OSBPL3: variants seen among roughly 807,000 people sequenced by gnomAD.
OSBPL3 encodes the protein oxysterol-binding protein-related protein 3.
Under a neutral mutation model 120.1 loss-of-function variants are expected in OSBPL3, and 65 were observed. The observed-to-expected ratio is 0.54, with a 90% CI of 0.44 to 0.67. The LOEUF (loss-of-function observed/expected upper bound fraction) is 0.67, where lower values mean the gene tolerates loss of function less well. OSBPL3 is among the 30% of genes least tolerant of loss of function. The probability of loss-of-function intolerance (pLI) is 0.00; values close to 1 mark genes in which losing one functional copy is unlikely to be tolerated. For synonymous variants in OSBPL3, 416 were observed against 402.6 expected (o/e 1.03, Z -0.40); for missense variants, 1,004 against 1,082.1 (o/e 0.93, Z 1.01).
intron 10 of OSBPL3, among the ~76,000 whole-genome samples, chr7:24,860,396 G>C (rs1265559869): frequency 1.3e-5 from 2 of 152,182 alleles, no homozygotes; most frequent in Non-Finnish European, 2.9e-5. Flanking sequence ...ACTCAGTGAA[G>C]GATAATTGAA....
In OSBPL3 at chr7:24,817,680, G is replaced by A. The variant is rs1794639717; in HGVS notation, c.1949-992C>T. On this transcript the variant is annotated intron_variant, in intron 17 of 22. Coordinates refer to ENST00000313367, the MANE Select transcript of OSBPL3 (RefSeq NM_015550.4). The surrounding 1 kb of genome is among the most constrained non-coding windows in gnomAD (Gnocchi z 4.0). ...GGAACAGGAGTAGGAGAGAGGAGAA[G>A]CAAGGCGACAAGTTAAGAGGCTACT... 6.6e-6 allele frequency among the ~76,000 whole-genome samples: 1 copy of A among 152,162 alleles called. No individual in the cohort carries two copies. Among genetic ancestry groups the A allele is most frequent in the African/African-American group, 2.4e-5 (1 of 41,424 alleles).
intron 12 of OSBPL3, among the ~76,000 whole-genome samples, chr7:24,846,317 C>G (rs1277666166): frequency 3.3e-5 from 5 of 152,210 alleles, no homozygotes; most frequent in African/African-American, 1.2e-4. Context: ...CTGTCTATTA[C>G]AAGCTGTATG....
intron 10 of OSBPL3, among the ~76,000 whole-genome samples, chr7:24,857,600 C>T: frequency 6.6e-6 from 1 of 152,198 alleles, no homozygotes; most frequent in Non-Finnish European, 1.5e-5. Flanking sequence ...AGTCAAATTT[C>T]CACAGCTAGT....
intron 12 of OSBPL3, among the ~76,000 whole-genome samples, chr7:24,846,781 G>A (rs1386427701): frequency 6.6e-6 from 1 of 152,130 alleles, no homozygotes; most frequent in Admixed American, 6.5e-5. Context: ...AAAAGGTAAC[G>A]AGGCCGGGCG....
chr7:24,958,961 G>A (rs1815398672), intron 1 of OSBPL3, among the ~76,000 whole-genome samples: 1 of 152,156 alleles, frequency 6.6e-6, no homozygotes, highest in Admixed American at 6.6e-5. Context: ...GCTGGGACTT[G>A]AATGACTAAA....
intron 12 of OSBPL3, among the ~76,000 whole-genome samples, chr7:24,842,973 T>C (rs1797966736): frequency 6.6e-6 from 1 of 152,238 alleles, no homozygotes; most frequent in Admixed American, 6.5e-5. Context: ...GTTCTCTTTG[T>C]CTGTCTCTTT....
chr7:24,823,200 A>G (rs952877937), intron 16 of OSBPL3, among the ~76,000 whole-genome samples: 2 of 152,052 alleles, frequency 1.3e-5, no homozygotes, highest in Non-Finnish European at 2.9e-5. Context: ...AGCCTCTGTC[A>G]CCTCATCTGT....
chr7:24,816,989 C>T (rs1435281587), intron 17 of OSBPL3, among the ~76,000 whole-genome samples: 1 of 152,010 alleles, frequency 6.6e-6, no homozygotes, highest in Non-Finnish European at 1.5e-5. Context: ...TAAAATGAAA[C>T]CTGAGAAGAA....
rs1242781768 is a variant in OSBPL3 at position 24,896,842 on chromosome 7, C to T, written c.-149-4221G>A. On this transcript the variant is annotated intron_variant, in intron 1 of 22. Transcript: ENST00000313367. This position sits in a 1 kb window ranked among gnomAD's most constrained non-coding sequence, Gnocchi z 4.4. ...ATCCCAGCAATTTAGGAGGTGGACG[C>T]GACTGGATTACTTGAGGTCAGGAGT... is the stretch of plus-strand genomic sequence containing the variant. 2.0e-5 allele frequency among the ~76,000 whole-genome samples: 3 copies of T among 152,074 alleles called. No homozygotes were observed. The highest frequency in any genetic ancestry group is 6.6e-5 in the Admixed American group (1 of 15,266).
chr7:24,895,808 G>T (rs777847677), intron 1 of OSBPL3, among the ~76,000 whole-genome samples: 14 of 152,182 alleles, frequency 9.2e-5, no homozygotes, highest in Non-Finnish European at 1.8e-4. Context: ...CTCACAGACT[G>T]TGAATAATTT....
Position 24,952,728 on chromosome 7 carries a change from G to T in OSBPL3, c.-150+27158C>A, listed in dbSNP as rs1322218362. ...AGGTTATTTCCAGGATTCTAGGCCT[G>T]CCCTACCAATATGCAAACCATCAGC... On this transcript the variant is annotated intron_variant, in intron 1 of 22. Transcript: ENST00000313367. The surrounding 1 kb of genome is among the most constrained non-coding windows in gnomAD (Gnocchi z 4.4). Among the ~76,000 whole-genome samples, 2 of 152,142 alleles carry T rather than the reference G, an allele frequency of 1.3e-5. No homozygotes were observed. Among genetic ancestry groups the T allele is most frequent in the Non-Finnish European group, 2.9e-5 (2 of 68,034 alleles).
chr7:24,838,508 A>C (rs1437386888), intron 14 of OSBPL3, among the ~76,000 whole-genome samples: 1 of 152,218 alleles, frequency 6.6e-6, no homozygotes, highest in African/African-American at 2.4e-5. Context: ...TACACAAAAA[A>C]GGGCAATGTT....
intron 1 of OSBPL3, among the ~76,000 whole-genome samples, chr7:24,942,392 T>C (rs1813207181): frequency 6.6e-6 from 1 of 152,240 alleles, no homozygotes; most frequent in Non-Finnish European, 1.5e-5. Context: ...AAGCCATGTC[T>C]GTCTGGTGCC....
intron 12 of OSBPL3, among the ~76,000 whole-genome samples, 188 bp downstream of exon 12, chr7:24,848,881 A>T (rs996755449): frequency 1.3e-5 from 2 of 152,224 alleles, no homozygotes; most frequent in African/African-American, 4.8e-5. Context: ...TTAGCAGCAT[A>T]CGCTCAAGAA....
chr7:24,908,492 C>T (rs1196669582), intron 1 of OSBPL3, among the ~76,000 whole-genome samples: 1 of 152,178 alleles, frequency 6.6e-6, no homozygotes, highest in African/African-American at 2.4e-5. Flanking sequence ...CCCTACCATG[C>T]CCTCTTTACC....
Position 24,912,458 on chromosome 7 carries a change from T to C in OSBPL3, c.-149-19837A>G, listed in dbSNP as rs1157420655. Reference sequence around the variant, plus strand: ...CAGACATCCATTGATTTAGGGAGTTTAGCACATTAAGGGCATTCTAATAAA... The same window carrying C: ...CAGACATCCATTGATTTAGGGAGTTCAGCACATTAAGGGCATTCTAATAAA... On this transcript the variant is annotated intron_variant, in intron 1 of 22. Transcript: ENST00000313367. The surrounding 1 kb of genome is among the most constrained non-coding windows in gnomAD (Gnocchi z 4.5). Among the ~76,000 whole-genome samples the C allele has an allele frequency of 6.6e-6, 1 of 152,226 alleles. No homozygotes were observed. The highest frequency in any genetic ancestry group is 1.5e-5 in the Non-Finnish European group (1 of 68,040).
chr7:24,884,926 T>C (rs1562882372), intron 2 of OSBPL3, among the ~76,000 whole-genome samples: 2 of 152,136 alleles, frequency 1.3e-5, no homozygotes, highest in South Asian at 2.1e-4. Flanking sequence ...CAGCCTATAC[T>C]GAATACTGAA....
chr7:24,918,156 T>G lies in OSBPL3; in HGVS notation c.-149-25535A>C, dbSNP rs529837646. On this transcript the variant is annotated intron_variant, in intron 1 of 22. Transcript: ENST00000313367. The surrounding 1 kb of genome is among the most constrained non-coding windows in gnomAD (Gnocchi z 4.3). The stretch of plus-strand genomic sequence containing the variant: ...TAATGACACCTGGATACTCTTTGTT[T>G]ACAGTTTCATGTACAGACCTGAGAG... The G allele has an allele frequency of 1.4e-4, 99 of 728,344 alleles. No homozygotes were observed. The African/African-American group carries it at 1.9e-3, about 14-fold the overall frequency. The allele number at this position is 728,344 out of a possible 1,614,324, so 45.1% of individuals were successfully genotyped here.
rs1278003662 is a variant in OSBPL3, at chr7:24,940,437, A to AGT, written c.-150+39447_-150+39448dup. Among the ~76,000 whole-genome samples, 2 of 152,170 alleles carry AGT rather than the reference A, an allele frequency of 1.3e-5. No individual in the cohort carries two copies. The highest frequency in any genetic ancestry group is 1.3e-4 in the Admixed American group (2 of 15,282). ...CAGGTACACCAGGGGAGAAGTAAAG[A>AGT]GTGTGGAAGAGTAAAGACCAGACAG... On this transcript the variant is annotated intron_variant, in intron 1 of 22. Transcript: ENST00000313367. This position sits in a 1 kb window ranked among gnomAD's most constrained non-coding sequence, Gnocchi z 4.4.
Sources: gnomAD v4.1 joint callset for allele counts (sites outside exome capture counted in the v4.1 genomes callset) on GRCh38, gnomAD v4.1.1 for gene constraint, Gnocchi (gnomAD v3.1) non-coding constraint, MANE v1.5 for transcripts, NCBI Gene and HGNC (gene_info 2026-07-23, HGNC 2026-07-21) for gene names.